SMCO2: variants seen among roughly 807,000 people sequenced by gnomAD.
The protein encoded by SMCO2 is single-pass membrane protein with coiled-coil domains 2, also known as single-pass membrane and coiled-coil domain-containing protein 2.
Under a neutral mutation model 29.5 loss-of-function variants are expected in SMCO2, and 25 were observed. The ratio of observed to expected loss-of-function variants is 0.85; its 90% CI spans 0.62 to 1.18. SMCO2 has a LOEUF of 1.18. SMCO2 is among the 50% of genes most tolerant of loss of function. SMCO2 has a pLI of 0.00. For synonymous variants in SMCO2, 117 were observed against 123.3 expected, an observed-to-expected ratio of 0.95 and a Z score of 0.34; for missense variants, 348 against 344.5, an observed-to-expected ratio of 1.01 and a Z score of -0.08.
chr12:27,456,560 G>C, the SMCO2 span, among the ~76,000 whole-genome samples: 1 of 152,066 alleles, frequency 6.6e-6, no homozygotes, highest in African/African-American at 2.4e-5. Context: ...CTGGGACTAC[G>C]GGTGTGCACC....
rs900893061 is a variant in SMCO2, at chr12:27,474,685, G to T, written c.235-101G>T. ...AAGCTCCAGTCTCAGAGAGGACTAT[G>T]TGCTTGACCCCAGCAAAGGGGGATT... On this transcript the variant is annotated intron_variant, in intron 3 of 7. Transcript: ENST00000298876. 8.6e-5 allele frequency: 117 copies of T among 1,364,124 alleles called. No homozygotes were observed. In the South Asian group the frequency reaches 1.2e-3, roughly 14 times the overall value. 84.5% of individuals were successfully genotyped at this position (1,364,124 alleles called of 1,614,324 possible).
At chr12:27,461,225 ATTG>A in the SMCO2 span, among the ~76,000 whole-genome samples, 2 of 151,912 alleles carry the variant, frequency 1.3e-5, no homozygotes, top group Non-Finnish European at 1.5e-5. Context: ...TTATTATTTT[ATTG>A]TTGTATTGTT....
At chr12:27,493,383 C>T (rs904636342) in intron 5 of SMCO2, among the ~76,000 whole-genome samples, 2 of 151,792 alleles carry the variant, frequency 1.3e-5, no homozygotes, top group Admixed American at 1.3e-4. Context: ...AAATAAAAAA[C>T]TAGCTGGGCA....
the SMCO2 span, among the ~76,000 whole-genome samples, chr12:27,449,285 T>C: frequency 1.3e-5 from 2 of 152,240 alleles, no homozygotes; most frequent in African/African-American, 4.8e-5. Flanking sequence ...CTCTGATCTT[T>C]GCATAAACAA....
chr12:27,473,058 G>A, intron 3 of SMCO2, 183 bp downstream of exon 3: 1 of 529,298 alleles, frequency 1.9e-6, no homozygotes, highest in Admixed American at 3.4e-5. Context: ...CCCACTGGAT[G>A]CTGCTGTTAC....
In SMCO2 at chr12:27,484,851, C is replaced by CAA. The variant is rs35818629; in HGVS notation, c.363-3589_363-3588dup. Among the ~76,000 whole-genome samples, 249 of 72,940 alleles carry CAA rather than the reference C, an allele frequency of 3.4e-3. 2 individuals are homozygous for CAA. The highest frequency in any genetic ancestry group is 5.7e-3 in the Non-Finnish European group (212 of 37,514). The allele number at this position is 72,940 out of a possible 152,430, so 47.9% of individuals were successfully genotyped here. ...CTGGCGACAGAGTAAGACTCCATCTCAAAAAAAAAAAAAAAAAAAAATATA... is the reference window on the plus strand; with the variant it reads ...CTGGCGACAGAGTAAGACTCCATCTCAAAAAAAAAAAAAAAAAAAAAAATATA... On this transcript the variant is annotated intron_variant, in intron 4 of 7. Coordinates refer to ENST00000298876, the Ensembl canonical transcript of SMCO2.
chr12:27,488,112 T>A (rs556400687), intron 4 of SMCO2, among the ~76,000 whole-genome samples: 1 of 152,194 alleles, frequency 6.6e-6, no homozygotes, highest in Admixed American at 6.5e-5. Context: ...CAATTTTCCC[T>A]CTTACAGATT....
the SMCO2 span, among the ~76,000 whole-genome samples, chr12:27,437,623 A>G: frequency 4.6e-5 from 7 of 152,020 alleles, no homozygotes; most frequent in African/African-American, 1.7e-4. Flanking sequence ...GTTAAATATT[A>G]TAAGTACAAC....
At chr12:27,479,827 C>T (rs1277542076) in intron 4 of SMCO2, among the ~76,000 whole-genome samples, 1 of 152,220 alleles carries the variant, frequency 6.6e-6, no homozygotes, top group Non-Finnish European at 1.5e-5. Context: ...GCTTCCCCAG[C>T]CATGTGGGAC....
At chr12:27,435,483 A>G in the SMCO2 span, among the ~76,000 whole-genome samples, 16 of 149,648 alleles carry the variant, frequency 1.1e-4, no homozygotes, top group South Asian at 1.5e-3. Context: ...CTTTATCTTC[A>G]TTGATGCCAC....
the SMCO2 span, among the ~76,000 whole-genome samples, chr12:27,442,721 A>G: frequency 3.7e-4 from 57 of 152,310 alleles, 1 homozygote; most frequent in East Asian, 3.3e-3. Flanking sequence ...CCTGGGCTCA[A>G]GTGATCTTTC....
the SMCO2 span, among the ~76,000 whole-genome samples, chr12:27,429,739 A>G: frequency 6.6e-6 from 1 of 152,182 alleles, no homozygotes; most frequent in Non-Finnish European, 1.5e-5. Context: ...CTAGACACAC[A>G]CATGCTGTAC....
the SMCO2 span, among the ~76,000 whole-genome samples, chr12:27,458,887 C>CG: frequency 2.3e-3 from 266 of 117,524 alleles, no homozygotes; most frequent in African/African-American, 8.5e-3. Context: ...AACTCTATCT[C>CG]GAAAAAAAAA....
At chr12:27,484,851 CAAAAAA>C (rs35818629) in intron 4 of SMCO2, among the ~76,000 whole-genome samples, 5 of 72,972 alleles carry the variant, frequency 6.9e-5, no homozygotes, top group African/African-American at 2.0e-4. Context: ...GACTCCATCT[CAAAAAA>C]AAAAAAAAAA....
At chr12:27,476,590 T>A (rs1346888476) in intron 4 of SMCO2, among the ~76,000 whole-genome samples, 1 of 152,174 alleles carries the variant, frequency 6.6e-6, no homozygotes, top group Non-Finnish European at 1.5e-5. Flanking sequence ...CTTGTTAAAT[T>A]GATCCTTTTG....
chr12:27,484,888 A>G (rs1167598102), intron 4 of SMCO2, among the ~76,000 whole-genome samples: 16 of 146,056 alleles, frequency 1.1e-4, no homozygotes, highest in Admixed American at 7.5e-4. Flanking sequence ...ATATATATAT[A>G]TATATAGTTT....
In SMCO2 at chr12:27,474,914, G is replaced by C; in HGVS notation, c.362+1G>C. ...TTTCAAAGAAGAACCTCCTTGAACTGTAAGTCTTGACACATGCAAGACAGA... is the reference window on the plus strand; with the variant it reads ...TTTCAAAGAAGAACCTCCTTGAACTCTAAGTCTTGACACATGCAAGACAGA... On this transcript the variant is annotated splice_donor_variant, in intron 4 of 7. Transcript: ENST00000298876. LOFTEE classifies it high-confidence loss of function. 1 of 1,550,772 alleles carries C rather than the reference G, an allele frequency of 6.4e-7. No individual in the cohort carries two copies. The highest frequency in any genetic ancestry group is 2.4e-5 in the East Asian group (1 of 40,910).
the SMCO2 span, among the ~76,000 whole-genome samples, chr12:27,426,036 C>A: frequency 1.3e-5 from 2 of 152,198 alleles, no homozygotes; most frequent in Non-Finnish European, 2.9e-5. Flanking sequence ...GTGATACATG[C>A]TCAACCTTGG....
At chr12:27,452,960 G>A in the SMCO2 span, among the ~76,000 whole-genome samples, 7 of 152,118 alleles carry the variant, frequency 4.6e-5, no homozygotes, top group Non-Finnish European at 1.0e-4. Context: ...TTGTAAAAAT[G>A]TCCCATGAAG....
Sources: gnomAD v4.1 joint callset for allele counts (sites outside exome capture counted in the v4.1 genomes callset) on GRCh38, gnomAD v4.1.1 for gene constraint, MANE v1.5 for transcripts, NCBI Gene and HGNC (gene_info 2026-07-23, HGNC 2026-07-21) for gene names.